The following FHIT variants were observed in gnomAD, a reference collection of about 807,000 sequenced individuals.
The protein encoded by FHIT is bis(5'-adenosyl)-triphosphatase.
Under a neutral mutation model 17.9 loss-of-function variants are expected in FHIT, and 19 were observed. The observed-to-expected ratio is 1.06, with a 90% CI of 0.74 to 1.56. The LOEUF (loss-of-function observed/expected upper bound fraction) is 1.56. FHIT is among the 40% of genes most tolerant of loss of function. FHIT has a pLI of 0.00. For missense variants in FHIT, 248 were observed against 189.2 expected (o/e 1.31, Z -1.82); for synonymous variants, 81 against 69.7 (o/e 1.16, Z -0.81).
intron 6 of FHIT, 128 bp downstream of exon 6, chr3:60,013,879 T>C (rs937023729): frequency 8.5e-5 from 82 of 970,006 alleles, no homozygotes; most frequent in Non-Finnish European, 1.2e-4. Flanking sequence ...TAGAAATCTC[T>C]TTTTTTGGCT....
At chr3:60,395,095 G>A (rs1701381382) in intron 5 of FHIT, among the ~76,000 whole-genome samples, 1 of 152,166 alleles carries the variant, frequency 6.6e-6, no homozygotes, top group Admixed American at 6.6e-5. Context: ...ACTGCAGTGG[G>A]ACTATTCAGA....
chr3:60,151,947 C>T (rs879514679), intron 5 of FHIT, among the ~76,000 whole-genome samples: 1 of 152,056 alleles, frequency 6.6e-6, no homozygotes, highest in Non-Finnish European at 1.5e-5. Flanking sequence ...AAATATAATC[C>T]CTATGGGCAC....
chr3:60,322,473 C>T (rs1182344462), intron 5 of FHIT, among the ~76,000 whole-genome samples: 1 of 152,172 alleles, frequency 6.6e-6, no homozygotes, highest in African/African-American at 2.4e-5. Context: ...CTTTATATTA[C>T]ATAATCCTTT....
intron 2 of FHIT, among the ~76,000 whole-genome samples, chr3:61,081,461 T>C (rs2035134500): frequency 6.6e-6 from 1 of 152,230 alleles, no homozygotes; most frequent in African/African-American, 2.4e-5. Flanking sequence ...CAATCTTTGA[T>C]GCATTATGTT....
intron 5 of FHIT, among the ~76,000 whole-genome samples, chr3:60,399,511 C>A (rs765058795): frequency 2.2e-4 from 33 of 152,162 alleles, no homozygotes; most frequent in Non-Finnish European, 4.3e-4. Context: ...TTTTGGACTG[C>A]TTTTGTCTTG....
intron 7 of FHIT, among the ~76,000 whole-genome samples, chr3:59,982,883 A>G (rs958487487): frequency 3.3e-5 from 5 of 152,136 alleles, no homozygotes; most frequent in Admixed American, 1.3e-4. Flanking sequence ...AAAGTTTTCT[A>G]TTTGTAAATT....
At chr3:59,769,395 T>C (rs917093469) in intron 8 of FHIT, among the ~76,000 whole-genome samples, 32 of 152,230 alleles carry the variant, frequency 2.1e-4, no homozygotes, top group Admixed American at 2.0e-3. Flanking sequence ...GGAACCTGCA[T>C]CCCACCCTGT....
chr3:61,209,691 G>A (rs1467195910), intron 1 of FHIT, among the ~76,000 whole-genome samples: 1 of 152,082 alleles, frequency 6.6e-6, no homozygotes, highest in Admixed American at 6.5e-5. Flanking sequence ...CTGTGCATTG[G>A]TTATTCTAGT....
chr3:60,125,509 G>A (rs139643508), intron 5 of FHIT, among the ~76,000 whole-genome samples: 4,220 of 151,766 alleles, frequency 0.028, 210 homozygotes, highest in African/African-American at 0.097. Flanking sequence ...GTGCATGCCT[G>A]TAATCCCAGC....
chr3:59,876,194 A>AAT (rs138522795), intron 8 of FHIT, among the ~76,000 whole-genome samples: 3,354 of 152,024 alleles, frequency 0.022, 48 homozygotes, highest in South Asian at 0.061. Context: ...TCTTACCACA[A>AAT]ATATATATAT....
intron 3 of FHIT, among the ~76,000 whole-genome samples, chr3:60,975,042 T>G (rs1245110723): frequency 1.3e-5 from 2 of 152,184 alleles, no homozygotes; most frequent in South Asian, 4.1e-4. Context: ...ATGGTAGCTG[T>G]AAGTAATATT....
intron 4 of FHIT, among the ~76,000 whole-genome samples, chr3:60,735,375 A>T (rs2042114330): frequency 6.7e-6 from 1 of 148,498 alleles, no homozygotes; most frequent in Non-Finnish European, 1.5e-5. Context: ...AGCTAACTTC[A>T]CTCCCCACTG....
At chr3:59,961,600 G>T (rs1332600456) in intron 7 of FHIT, among the ~76,000 whole-genome samples, 2 of 152,118 alleles carry the variant, frequency 1.3e-5, no homozygotes, top group African/African-American at 2.4e-5. Flanking sequence ...GAAAAGCGTG[G>T]TATCTGGGCT....
intron 2 of FHIT, among the ~76,000 whole-genome samples, chr3:61,049,934 G>A (rs1432554804): frequency 2.6e-5 from 4 of 152,148 alleles, no homozygotes; most frequent in Non-Finnish European, 5.9e-5. Context: ...CAGGGACACA[G>A]AGAAGAAGCT....
chr3:61,203,223 C>T (rs1343281230), intron 1 of FHIT, among the ~76,000 whole-genome samples: 2 of 147,336 alleles, frequency 1.4e-5, no homozygotes, highest in South Asian at 2.2e-4. Flanking sequence ...GTGGTGGGCA[C>T]CTGTAATCCC....
At chr3:60,239,138 T>A (rs896063075) in intron 5 of FHIT, among the ~76,000 whole-genome samples, 2 of 152,114 alleles carry the variant, frequency 1.3e-5, no homozygotes, top group Non-Finnish European at 2.9e-5. Flanking sequence ...ACTTCCAGAG[T>A]TTTTGCCCTT....
intron 7 of FHIT, among the ~76,000 whole-genome samples, chr3:59,940,286 A>C (rs566294883): frequency 6.6e-6 from 1 of 152,260 alleles, no homozygotes; most frequent in South Asian, 2.1e-4. Context: ...CTTAACCACA[A>C]AATCTGTGCT....
chr3:60,203,870 A>G (rs967435320), intron 5 of FHIT, among the ~76,000 whole-genome samples: 2 of 152,186 alleles, frequency 1.3e-5, no homozygotes, highest in African/African-American at 4.8e-5. Flanking sequence ...GTTCTCACTT[A>G]TTAGTGGGAG....
intron 8 of FHIT, among the ~76,000 whole-genome samples, chr3:59,829,810 A>C (rs1701104266): frequency 6.6e-6 from 1 of 152,224 alleles, no homozygotes; most frequent in South Asian, 2.1e-4. Context: ...TATACAATAC[A>C]GAAAATAGAT....
Sources: allele counts gnomAD v4.1 joint callset (sites outside exome capture counted in the v4.1 genomes callset), GRCh38; gene constraint gnomAD v4.1.1; transcripts MANE v1.5; gene names NCBI Gene and HGNC (gene_info 2026-07-23, HGNC 2026-07-21).